Variants in ZC3H3 observed in about 807,000 individuals in gnomAD.
The protein encoded by ZC3H3 is zinc finger CCCH-type containing 3, also known as zinc finger CCCH domain-containing protein 3.
Under a neutral mutation model 77.3 loss-of-function variants are expected in ZC3H3, and 36 were observed. The ratio of observed to expected loss-of-function variants is 0.47; its 90% CI spans 0.36 to 0.61. The LOEUF (loss-of-function observed/expected upper bound fraction) is 0.61, where lower values mean the gene tolerates loss of function less well. ZC3H3 is among the 20% of genes least tolerant of loss of function. The probability of loss-of-function intolerance (pLI) is 0.00; values close to 1 mark genes in which losing one functional copy is unlikely to be tolerated. For synonymous variants in ZC3H3, 626 were observed against 555.2 expected (o/e 1.13, Z -1.79); for missense variants, 1,331 against 1,312.2 (o/e 1.01, Z -0.22).
intron 3 of ZC3H3, among the ~76,000 whole-genome samples, chr8:143,515,861 G>A (rs1191955153): frequency 6.6e-6 from 1 of 152,220 alleles, no homozygotes; most frequent in Non-Finnish European, 1.5e-5. Context: ...TGTGCACCCG[G>A]ACCACCATCT....
chr8:143,540,409 C>T (rs1822972282), intron 1 of ZC3H3, among the ~76,000 whole-genome samples: 1 of 152,142 alleles, frequency 6.6e-6, no homozygotes, highest in South Asian at 2.1e-4. Flanking sequence ...TAAAATTTTT[C>T]TGTAGAGACG....
chr8:143,485,555 C>G lies in ZC3H3; in HGVS notation c.1716-9970G>C, dbSNP rs552218891. ...CACAGGTAAAAATTAATTCAAGAAG[C>G]CTCAGGCTTAAAATATAAAAGCTAA... On this transcript the variant is annotated intron_variant, in intron 4 of 11. Transcript: ENST00000262577. 9.9e-5 allele frequency among the ~76,000 whole-genome samples: 15 copies of G among 152,274 alleles called. No homozygotes were observed. The South Asian group carries it at 3.1e-3, about 32-fold the overall frequency.
intron 9 of ZC3H3, among the ~76,000 whole-genome samples, chr8:143,459,176 G>A (rs913412638): frequency 4.7e-4 from 72 of 152,116 alleles, no homozygotes; most frequent in African/African-American, 1.3e-3. Flanking sequence ...GACACTAAAA[G>A]AAAACTACCA....
intron 4 of ZC3H3, among the ~76,000 whole-genome samples, chr8:143,496,149 A>G (rs378184): frequency 0.5 from 75,569 of 151,892 alleles, 19,094 homozygotes; most frequent in East Asian, 0.68. Flanking sequence ...CAGGCTGAGT[A>G]AACCAGCAGA....
intron 4 of ZC3H3, among the ~76,000 whole-genome samples, chr8:143,501,790 C>T (rs772343889): frequency 6.6e-6 from 1 of 152,200 alleles, no homozygotes; most frequent in African/African-American, 2.4e-5. Context: ...TCATGCCCGG[C>T]CCCGGGGCGC....
At chr8:143,524,961 A>G (rs1412306676) in intron 3 of ZC3H3, among the ~76,000 whole-genome samples, 1 of 124,590 alleles carries the variant, frequency 8.0e-6, no homozygotes, top group African/African-American at 2.9e-5. Flanking sequence ...CTCCGAGACC[A>G]GGGCTCTGTA....
At chr8:143,439,945 AG>A (rs10718248) in intron 11 of ZC3H3, 95 bp downstream of exon 11, 487,515 of 505,590 alleles carry the variant, frequency 0.96, 235,236 homozygotes, top group East Asian at 0.99. Flanking sequence ...GTCCTTGCTG[AG>A]GGGGGGGCCC....
intron 4 of ZC3H3, among the ~76,000 whole-genome samples, chr8:143,478,362 G>A (rs762246094): frequency 7.4e-4 from 113 of 152,212 alleles, no homozygotes; most frequent in Non-Finnish European, 6.2e-4. Context: ...CCAGGGAAGG[G>A]CCCGTGGGGC....
intron 3 of ZC3H3, among the ~76,000 whole-genome samples, chr8:143,518,815 A>G (rs1045096168): frequency 2.6e-5 from 4 of 152,230 alleles, no homozygotes; most frequent in African/African-American, 9.6e-5. Context: ...GAAGGCAGCA[A>G]AGGAATCCCT....
intron 4 of ZC3H3, among the ~76,000 whole-genome samples, chr8:143,506,659 T>C (rs1266650369): frequency 2.6e-5 from 4 of 152,184 alleles, no homozygotes; most frequent in Non-Finnish European, 5.9e-5. Context: ...ATTTAAAATA[T>C]ACTCCAGCTA....
At chr8:143,489,260 C>A (rs531801589) in intron 4 of ZC3H3, among the ~76,000 whole-genome samples, 1 of 152,278 alleles carries the variant, frequency 6.6e-6, no homozygotes, top group South Asian at 2.1e-4. Context: ...TGCTCTGCCA[C>A]TCTCCATGAC....
chr8:143,440,356 A>C lies in ZC3H3; in HGVS notation c.2500T>G (p.Ser834Ala). The part of the protein sequence containing the change: ...VSASHGPRKP[S>A]ASQRPTRQTP... ...TGCCTGGTGGGGCGCTGGGATGCTG[A>C]AGGCTTCCTGCAGGGAAGGAAGGGG... The change falls in exon 11 of 12, where the codon TCA becomes GCA. Residue 834 changes from serine to alanine, a missense_variant. By Grantham distance (99) the Ser-to-Ala change is moderately conservative. Coordinates refer to ENST00000262577, the MANE Select transcript of ZC3H3 (RefSeq NM_015117.3). 1.3e-6 allele frequency: 2 copies of C among 1,524,360 alleles called. No individual in the cohort carries two copies. The highest frequency in any genetic ancestry group is 2.5e-4 in the Middle Eastern group (1 of 4,012). 94.4% of individuals were successfully genotyped at this position (1,524,360 alleles called of 1,614,324 possible).
At chr8:143,477,084 A>C (rs1003416970) in intron 4 of ZC3H3, among the ~76,000 whole-genome samples, 1 of 152,190 alleles carries the variant, frequency 6.6e-6, no homozygotes, top group Non-Finnish European at 1.5e-5. Flanking sequence ...TTCCACCGCC[A>C]TCCCCACCAC....
intron 3 of ZC3H3, among the ~76,000 whole-genome samples, chr8:143,508,629 A>C (rs1364164764): frequency 6.6e-6 from 1 of 152,148 alleles, no homozygotes; most frequent in African/African-American, 2.4e-5. Flanking sequence ...GACTGCCCAG[A>C]TCATTAAAGC....
At chr8:143,464,016 C>T (rs914497707) in intron 9 of ZC3H3, among the ~76,000 whole-genome samples, 1 of 152,258 alleles carries the variant, frequency 6.6e-6, no homozygotes, top group African/African-American at 2.4e-5. Flanking sequence ...TATAAACTCT[C>T]TGGGGCCCAT....
intron 3 of ZC3H3, among the ~76,000 whole-genome samples, chr8:143,515,123 T>C (rs1042111187): frequency 2.0e-5 from 3 of 152,178 alleles, no homozygotes; most frequent in Non-Finnish European, 4.4e-5. Flanking sequence ...GGTCAGTCCC[T>C]GGGGCCCAGG....
Position 143,437,861 on chromosome 8 carries a change from G to T in ZC3H3, c.*195C>A. ...TGGGGTGGGGACAGGGGCCTGGCTT[G>T]GGGGAGGAAGACCAGGCCCTGCGCA... On this transcript the variant is annotated 3_prime_UTR_variant, in exon 12 of 12. Transcript: ENST00000262577. 2 of 723,428 alleles carry T rather than the reference G, an allele frequency of 2.8e-6. No individual in the cohort carries two copies. The highest frequency in any genetic ancestry group is 4.6e-6 in the Non-Finnish European group (2 of 439,552). 44.8% of individuals were successfully genotyped at this position (723,428 alleles called of 1,614,324 possible). A position where few individuals can be genotyped will look rare whatever the true frequency, so the allele number is the denominator to read the frequency against.
chr8:143,519,626 C>T (rs925946971), intron 3 of ZC3H3, among the ~76,000 whole-genome samples: 6 of 152,178 alleles, frequency 3.9e-5, no homozygotes, highest in African/African-American at 9.7e-5. Context: ...GAAGGACAGG[C>T]GAGCGTGCCG....
At chr8:143,495,127 C>A (rs1292789526) in intron 4 of ZC3H3, among the ~76,000 whole-genome samples, 2 of 152,224 alleles carry the variant, frequency 1.3e-5, no homozygotes, top group Middle Eastern at 3.2e-3. Context: ...AAGAGCTGCA[C>A]AAGGACTCAG....
Sources: gnomAD v4.1 joint callset for allele counts (sites outside exome capture counted in the v4.1 genomes callset) on GRCh38, gnomAD v4.1.1 for gene constraint, MANE v1.5 for transcripts, NCBI Gene and HGNC (gene_info 2026-07-23, HGNC 2026-07-21) for gene names.